Variants in TMEM131L observed in about 807,000 individuals in gnomAD.
TMEM131L encodes transmembrane protein 131-like.
A neutral mutation model predicts 192.2 loss-of-function variants in TMEM131L; 54 were observed. The observed-to-expected ratio is 0.28, with a 90% CI of 0.23 to 0.35. The LOEUF is 0.35. TMEM131L is among the 10% of genes least tolerant of loss of function. The pLI, the probability that TMEM131L is intolerant of heterozygous loss-of-function variation, is 1.00. For synonymous variants in TMEM131L, 701 were observed against 704.9 expected (o/e 0.99, Z 0.09); for missense variants, 1,888 against 1,972.9 (o/e 0.96, Z 0.82).
intron 4 of TMEM131L, among the ~76,000 whole-genome samples, chr4:153,553,289 A>G (rs1444847847): frequency 6.6e-6 from 1 of 152,174 alleles, no homozygotes; most frequent in East Asian, 1.9e-4. Context: ...AGCATGTACT[A>G]CAAATGTGTT....
chr4:153,472,087 T>A (rs1007836312), intron 2 of TMEM131L, among the ~76,000 whole-genome samples: 1 of 151,664 alleles, frequency 6.6e-6, no homozygotes, highest in Non-Finnish European at 1.5e-5. Flanking sequence ...TAAAAAAAAA[T>A]AACTAACATG....
At chr4:153,477,199 A>G (rs528313604) in intron 3 of TMEM131L, among the ~76,000 whole-genome samples, 38 of 152,278 alleles carry the variant, frequency 2.5e-4, no homozygotes, top group African/African-American at 7.7e-4. Flanking sequence ...AGAGATGGTG[A>G]TGACTGTGCT....
intron 3 of TMEM131L, among the ~76,000 whole-genome samples, chr4:153,510,989 T>C (rs1318293209): frequency 6.6e-6 from 1 of 152,180 alleles, no homozygotes; most frequent in Non-Finnish European, 1.5e-5. Flanking sequence ...ATTACTTTTG[T>C]TCAAAAAGAC....
At chr4:153,560,195 A>T (rs570389178) in intron 7 of TMEM131L, among the ~76,000 whole-genome samples, 70 of 152,190 alleles carry the variant, frequency 4.6e-4, no homozygotes, top group African/African-American at 1.6e-3. Flanking sequence ...TTGCTTCACT[A>T]TTCTTTTCAT....
chr4:153,467,808 A>G lies in TMEM131L; in HGVS notation c.195+527A>G, dbSNP rs530051064. 7.0e-4 allele frequency among the ~76,000 whole-genome samples: 106 copies of G among 152,270 alleles called. 1 individual carries two copies. The South Asian group carries it at 0.02, about 29-fold the overall frequency. ...TTGAATTTCTGGTTTTTTTCTCTGT[A>G]TGATGATATGATGATTGCGTGTAGA... is the stretch of plus-strand genomic sequence containing the variant. On this transcript the variant is annotated intron_variant, in intron 2 of 34. Coordinates refer to ENST00000409959, the MANE Select transcript of TMEM131L (RefSeq NM_001131007.2).
chr4:153,619,143 C>T (rs1287230949), intron 26 of TMEM131L, among the ~76,000 whole-genome samples: 1 of 152,304 alleles, frequency 6.6e-6, no homozygotes, highest in East Asian at 1.9e-4. Flanking sequence ...TTGAGAAAGG[C>T]AGCCAAGTAT....
chr4:153,586,786 G>C (rs551042690), intron 14 of TMEM131L, among the ~76,000 whole-genome samples: 1 of 152,214 alleles, frequency 6.6e-6, no homozygotes, highest in East Asian at 1.9e-4. Context: ...ACTCTTAGTT[G>C]CTCGTAATCC....
Position 153,581,332 on chromosome 4 carries a change from C to G in TMEM131L, c.739-75C>G, listed in dbSNP as rs1578793893. 3.2e-6 allele frequency: 4 copies of G among 1,232,120 alleles called. No individual in the cohort carries two copies. The East Asian group carries it at 9.9e-5, about 31-fold the overall frequency. 76.3% of individuals were successfully genotyped at this position (1,232,120 alleles called of 1,614,324 possible). On this transcript the variant is annotated intron_variant, in intron 8 of 34. Coordinates refer to ENST00000409959, the MANE Select transcript of TMEM131L (RefSeq NM_001131007.2). ...CGTCCCATTACGTTAAATGCTTCTC[C>G]TTTCCTCCATAGTTTGAAACCACAA... is the stretch of plus-strand genomic sequence containing the variant.
At chr4:153,490,265 C>G (rs1732668905) in intron 3 of TMEM131L, among the ~76,000 whole-genome samples, 1 of 152,136 alleles carries the variant, frequency 6.6e-6, no homozygotes, top group South Asian at 2.1e-4. Flanking sequence ...TTAGCAGATT[C>G]ATGTTTTGGG....
chr4:153,630,992 C>T (rs535348096), intron 31 of TMEM131L, among the ~76,000 whole-genome samples: 1 of 152,224 alleles, frequency 6.6e-6, no homozygotes, highest in Non-Finnish European at 1.5e-5. Flanking sequence ...TCCCAAGTGG[C>T]AGACCAAGCA....
intron 3 of TMEM131L, among the ~76,000 whole-genome samples, chr4:153,530,184 A>G (rs1177730339): frequency 6.6e-6 from 1 of 152,142 alleles, no homozygotes; most frequent in East Asian, 1.9e-4. Context: ...TGCTGGTTGA[A>G]TTTTGGCAGA....
intron 3 of TMEM131L, among the ~76,000 whole-genome samples, chr4:153,539,139 A>C (rs79288838): frequency 0.015 from 2,235 of 152,294 alleles, 62 homozygotes; most frequent in African/African-American, 0.051. Flanking sequence ...CTTTTCATAC[A>C]ACATATGTTT....
At chr4:153,556,825 T>C (rs1728495634) in intron 5 of TMEM131L, 141 bp from the exon 6 acceptor site, 1 of 575,960 alleles carries the variant, frequency 1.7e-6, no homozygotes, top group Non-Finnish European at 3.1e-6. Context: ...AGTTTGGGGA[T>C]TCTTAGGGAT....
At chr4:153,525,400 C>T (rs960478720) in intron 3 of TMEM131L, among the ~76,000 whole-genome samples, 13 of 152,134 alleles carry the variant, frequency 8.5e-5, no homozygotes, top group African/African-American at 2.4e-4. Flanking sequence ...AGTGCAGTGG[C>T]GCTATCTCGG....
chr4:153,624,897 G>A (rs1733722219), intron 29 of TMEM131L, among the ~76,000 whole-genome samples: 1 of 152,206 alleles, frequency 6.6e-6, no homozygotes, highest in Non-Finnish European at 1.5e-5. Flanking sequence ...AGAGACTAGT[G>A]CAGTAGCAGC....
rs534470071 is a variant in TMEM131L at position 153,496,964 on chromosome 4, G to A, written c.239+23076G>A. On this transcript the variant is annotated intron_variant, in intron 3 of 34. Transcript: ENST00000409959. Reference sequence around the variant, plus strand: ...CAGCCTTGAACTCCCAGGCTCAAGCGATCCTCCCACCTCAGCCTCCCTAGT... The same window carrying A: ...CAGCCTTGAACTCCCAGGCTCAAGCAATCCTCCCACCTCAGCCTCCCTAGT... Among the ~76,000 whole-genome samples, 5 of 152,092 alleles carry A rather than the reference G, an allele frequency of 3.3e-5. No individual in the cohort carries two copies. In the South Asian group the frequency reaches 8.3e-4, roughly 25 times the overall value.
chr4:153,505,044 A>G (rs541539429), intron 3 of TMEM131L, among the ~76,000 whole-genome samples: 87 of 151,390 alleles, frequency 5.7e-4, no homozygotes, highest in African/African-American at 1.9e-3. Flanking sequence ...TCTTCTCCCT[A>G]TGTCTTCACA....
intron 2 of TMEM131L, among the ~76,000 whole-genome samples, chr4:153,468,542 AACG>A (rs1400374987): frequency 6.6e-6 from 1 of 152,262 alleles, no homozygotes; most frequent in South Asian, 2.1e-4. Context: ...CTACTGCAAG[AACG>A]ACATTTAACG....
In TMEM131L at chr4:153,555,718, A is replaced by G. The variant is rs925667433; in HGVS notation, c.309-69A>G. The stretch of plus-strand genomic sequence containing the variant: ...AATCTGTGTGTATATATATAATAAT[A>G]CATATATATGTATGGTAATATTTAT... On this transcript the variant is annotated intron_variant, in intron 4 of 34. Coordinates refer to ENST00000409959, the MANE Select transcript of TMEM131L (RefSeq NM_001131007.2). This position sits in a 1 kb window ranked among gnomAD's most constrained non-coding sequence, Gnocchi z 4.1. 1 of 1,310,234 alleles carries G rather than the reference A, an allele frequency of 7.6e-7. No individual in the cohort carries two copies. The highest frequency in any genetic ancestry group is 2.3e-5 in the Admixed American group (1 of 43,312). 81.2% of individuals were successfully genotyped at this position (1,310,234 alleles called of 1,614,324 possible). A position where few individuals can be genotyped will look rare whatever the true frequency, so the allele number is the denominator to read the frequency against.
Sources: allele counts gnomAD v4.1 joint callset (sites outside exome capture counted in the v4.1 genomes callset), GRCh38; gene constraint gnomAD v4.1.1; non-coding constraint Gnocchi (gnomAD v3.1); transcripts MANE v1.5; gene names NCBI Gene and HGNC (gene_info 2026-07-23, HGNC 2026-07-21).